MAP4K4: variants seen among roughly 807,000 people sequenced by gnomAD.
MAP4K4 encodes the protein HPK/GCK-like kinase HGK.
Under a neutral mutation model 189.6 loss-of-function variants are expected in MAP4K4, and 38 were observed. The ratio of observed to expected loss-of-function variants is 0.20; its 90% CI spans 0.15 to 0.26. The LOEUF is 0.26. Among genes scored for constraint, MAP4K4 ranks in the 10% least tolerant of loss-of-function variants. The pLI is 1.00. For synonymous variants in MAP4K4, 610 were observed against 624.3 expected (o/e 0.98, Z 0.34); for missense variants, 1,054 against 1,726.9 (o/e 0.61, Z 6.91).
chr2:101,801,220 A>G (rs1273991026), intron 3 of MAP4K4, among the ~76,000 whole-genome samples: 1 of 152,166 alleles, frequency 6.6e-6, no homozygotes, highest in African/African-American at 2.4e-5. Context: ...ATAGAAAAGA[A>G]TGTTGTGTTG....
At chr2:101,776,973 C>T (rs1225305651) in intron 2 of MAP4K4, among the ~76,000 whole-genome samples, 5 of 151,998 alleles carry the variant, frequency 3.3e-5, no homozygotes, top group South Asian at 2.1e-4. Flanking sequence ...TATAGAAAGG[C>T]GGGAGACTTT....
intron 2 of MAP4K4, among the ~76,000 whole-genome samples, chr2:101,758,677 C>T (rs775014002): frequency 2.6e-5 from 4 of 152,106 alleles, no homozygotes; most frequent in Admixed American, 6.5e-5. Context: ...CGTAGCTTTC[C>T]TTTTAGGAGG....
chr2:101,869,356 CT>C (rs369211925), intron 21 of MAP4K4, among the ~76,000 whole-genome samples: 5 of 150,496 alleles, frequency 3.3e-5, no homozygotes, highest in African/African-American at 1.2e-4. Flanking sequence ...ATAAGCAGAT[CT>C]TTTTTTTATT....
chr2:101,877,513 G>A (rs1259678626), intron 27 of MAP4K4, among the ~76,000 whole-genome samples: 1 of 141,826 alleles, frequency 7.1e-6, no homozygotes, highest in Non-Finnish European at 1.5e-5. Context: ...GTCTTGCTGT[G>A]TCGCCAGGCT....
exon 5 of MAP4K4, chr2:101,825,409 A>G: frequency 6.2e-7 from 1 of 1,613,178 alleles, no homozygotes; most frequent in Non-Finnish European, 8.5e-7. Context: ...GATCGCTTAC[A>G]TCTCCAGAGA....
intron 3 of MAP4K4, among the ~76,000 whole-genome samples, chr2:101,804,489 T>C (rs189403910): frequency 3.7e-4 from 56 of 152,302 alleles, no homozygotes; most frequent in African/African-American, 1.3e-3. Context: ...ACTGTCTTTG[T>C]CAGTTATCTG....
chr2:101,828,660 A>G (rs1002168766), intron 5 of MAP4K4, among the ~76,000 whole-genome samples: 1 of 152,256 alleles, frequency 6.6e-6, no homozygotes, highest in Non-Finnish European at 1.5e-5. Context: ...GAAAAATCAA[A>G]TAACCCTTAC....
chr2:101,782,402 A>G (rs906847131), intron 2 of MAP4K4, among the ~76,000 whole-genome samples: 1 of 152,206 alleles, frequency 6.6e-6, no homozygotes, highest in Non-Finnish European at 1.5e-5. Context: ...ATAATTCTAT[A>G]TTGATTTTAA....
intron 32 of MAP4K4, among the ~76,000 whole-genome samples, chr2:101,889,668 CAA>C (rs2098537656): frequency 6.6e-6 from 1 of 152,182 alleles, no homozygotes; most frequent in African/African-American, 2.4e-5. Context: ...CCCAGTCAGA[CAA>C]AGGCATGTCT....
chr2:101,776,961 C>T (rs1282840422), intron 2 of MAP4K4, among the ~76,000 whole-genome samples: 1 of 151,908 alleles, frequency 6.6e-6, no homozygotes, highest in Non-Finnish European at 1.5e-5. Flanking sequence ...GACTATTGTC[C>T]TTATAGAAAG....
chr2:101,837,998 G>A (rs556454986), intron 9 of MAP4K4, among the ~76,000 whole-genome samples: 8 of 152,292 alleles, frequency 5.3e-5, no homozygotes, highest in Admixed American at 3.9e-4. Flanking sequence ...AATTATGGAC[G>A]TAAAGTCCTT....
rs183576225 is a variant in MAP4K4 at position 101,816,472 on chromosome 2, C to T, written c.181-7456C>T. On this transcript the variant is annotated intron_variant, in intron 3 of 32. Coordinates refer to ENST00000324219, the Ensembl canonical transcript of MAP4K4. ...TGTTTTTAAGGTTTTAGACAACACT[C>T]TATTCAATGTGTATTGTATTCTTTC... Among the ~76,000 whole-genome samples, 93 of 152,264 alleles carry T rather than the reference C, an allele frequency of 6.1e-4. 1 individual carries two copies. The highest frequency in any genetic ancestry group is 2.2e-3 in the African/African-American group (92 of 41,552).
At chr2:101,764,379 C>T (rs1460400181) in intron 2 of MAP4K4, among the ~76,000 whole-genome samples, 1 of 152,208 alleles carries the variant, frequency 6.6e-6, no homozygotes, top group Admixed American at 6.5e-5. Context: ...AGTTTTGACA[C>T]TGTGTTCCTG....
intron 3 of MAP4K4, among the ~76,000 whole-genome samples, chr2:101,802,087 G>T (rs2148991589): frequency 6.6e-6 from 1 of 152,330 alleles, no homozygotes; most frequent in East Asian, 1.9e-4. Context: ...CTGCTGGTTA[G>T]TATTTTTGAA....
rs775700685 is a variant in MAP4K4 at position 101,698,064 on chromosome 2, G to T, written c.-17G>T. On this transcript the variant is annotated 5_prime_UTR_variant, in exon 1 of 33. Coordinates refer to ENST00000324219, the Ensembl canonical transcript of MAP4K4. ...AGACATTTATTGTTATTTGTTTTTT[G>T]GTGGCAAAAAGGGAAAATGGCGAAC... 9 of 1,324,926 alleles carry T rather than the reference G, an allele frequency of 6.8e-6. No homozygotes were observed. In the South Asian group the frequency reaches 1.1e-4, roughly 16 times the overall value. The allele number at this position is 1,324,926 out of a possible 1,614,324, so 82.1% of individuals were successfully genotyped here. A position where few individuals can be genotyped will look rare whatever the true frequency, so the allele number is the denominator to read the frequency against.
chr2:101,790,593 A>C (rs1453859572), intron 2 of MAP4K4, 127 bp from the exon 3 acceptor site: 2 of 689,912 alleles, frequency 2.9e-6, no homozygotes, highest in Admixed American at 2.1e-5. Context: ...CTATTTCGTC[A>C]TCACTTTTGG....
intron 3 of MAP4K4, among the ~76,000 whole-genome samples, chr2:101,799,097 A>G (rs2148946533): frequency 6.6e-6 from 1 of 152,274 alleles, no homozygotes; most frequent in East Asian, 1.9e-4. Flanking sequence ...ATAATTTTCA[A>G]GGTGAATTTA....
At chr2:101,738,546 C>T (rs1346359307) in intron 2 of MAP4K4, among the ~76,000 whole-genome samples, 2 of 152,022 alleles carry the variant, frequency 1.3e-5, no homozygotes, top group Non-Finnish European at 2.9e-5. Context: ...AAGAAATCGA[C>T]TTGTAGAGTG....
At chr2:101,812,092 T>C (rs2095465399) in intron 3 of MAP4K4, among the ~76,000 whole-genome samples, 1 of 152,210 alleles carries the variant, frequency 6.6e-6, no homozygotes. Context: ...ACTTTTTCTT[T>C]TGTGCAGAAA....
Sources: allele counts gnomAD v4.1 joint callset (sites outside exome capture counted in the v4.1 genomes callset), GRCh38; gene constraint gnomAD v4.1.1; transcripts MANE v1.5; gene names NCBI Gene and HGNC (gene_info 2026-07-23, HGNC 2026-07-21).